SNTG1: variants seen among roughly 807,000 people sequenced by gnomAD.
SNTG1 encodes syntrophin gamma 1.
SNTG1 carries 39 observed loss-of-function variants against 74.7 expected under a neutral mutation model. The observed-to-expected ratio is 0.52, with a 90% CI of 0.40 to 0.68. The LOEUF is 0.68. Among genes scored for constraint, SNTG1 ranks in the 30% least tolerant of loss-of-function variants. The pLI is 0.00. For missense variants in SNTG1, 685 were observed against 609.5 expected, an observed-to-expected ratio of 1.12 and a Z score of -1.30; for synonymous variants, 254 against 217.1, an observed-to-expected ratio of 1.17 and a Z score of -1.49.
chr8:50,451,685 G>A (rs1038333827), intron 8 of SNTG1, among the ~76,000 whole-genome samples: 11 of 152,034 alleles, frequency 7.2e-5, no homozygotes, highest in East Asian at 1.9e-4. Context: ...TTTAGCAACC[G>A]GCCTAAGTGT....
intron 17 of SNTG1, among the ~76,000 whole-genome samples, chr8:50,735,685 T>C (rs1397963717): frequency 6.6e-6 from 1 of 152,016 alleles, no homozygotes; most frequent in Non-Finnish European, 1.5e-5. Context: ...TGGAATCAAG[T>C]TGGAAACACT....
intron 2 of SNTG1, among the ~76,000 whole-genome samples, chr8:50,202,092 C>A (rs2084008970): frequency 6.6e-6 from 1 of 152,104 alleles, no homozygotes; most frequent in Admixed American, 6.6e-5. Flanking sequence ...TAGGTCAGCA[C>A]CTTTTCTTCC....
At chr8:50,292,886 C>A (rs2089186025) in intron 2 of SNTG1, among the ~76,000 whole-genome samples, 1 of 151,548 alleles carries the variant, frequency 6.6e-6, no homozygotes, top group Non-Finnish European at 1.5e-5. Context: ...GAGCAAGGGG[C>A]ACCTGAGGAA....
intron 15 of SNTG1, among the ~76,000 whole-genome samples, chr8:50,683,398 A>T (rs1290143879): frequency 6.6e-6 from 1 of 152,198 alleles, no homozygotes; most frequent in Non-Finnish European, 1.5e-5. Flanking sequence ...GTCCTGAGTC[A>T]TTCTTTAGAA....
At chr8:50,397,247 A>G (rs1385392722) in intron 3 of SNTG1, among the ~76,000 whole-genome samples, 1 of 152,244 alleles carries the variant, frequency 6.6e-6, no homozygotes, top group East Asian at 1.9e-4. Context: ...TGCAAAGTCA[A>G]CGAAGTTTGG....
intron 1 of SNTG1, among the ~76,000 whole-genome samples, chr8:50,113,714 G>T (rs1296793221): frequency 6.6e-6 from 1 of 152,074 alleles, no homozygotes; most frequent in Non-Finnish European, 1.5e-5. Flanking sequence ...GCAATTGGCT[G>T]TGGGTTTGTC....
At chr8:50,374,833 T>C (rs926427229) in intron 2 of SNTG1, among the ~76,000 whole-genome samples, 1 of 152,222 alleles carries the variant, frequency 6.6e-6, no homozygotes. Flanking sequence ...TTGATCCTTT[T>C]TTTTAGATCA....
At chr8:50,576,145 G>A (rs1585733965) in intron 12 of SNTG1, among the ~76,000 whole-genome samples, 1 of 152,094 alleles carries the variant, frequency 6.6e-6, no homozygotes, top group Non-Finnish European at 1.5e-5. Flanking sequence ...AGGTCTTTGG[G>A]TTAATTTTTG....
chr8:50,358,086 T>C (rs1416985995), intron 2 of SNTG1, among the ~76,000 whole-genome samples: 1 of 152,174 alleles, frequency 6.6e-6, no homozygotes, highest in African/African-American at 2.4e-5. Flanking sequence ...AAATATTGAT[T>C]GTGTCCCACC....
At chr8:50,266,684 G>GTGTGTA (rs371676511) in intron 2 of SNTG1, among the ~76,000 whole-genome samples, 86 of 136,802 alleles carry the variant, frequency 6.3e-4, no homozygotes, top group East Asian at 5.9e-3. Context: ...GTGTGTGTGT[G>GTGTGTA]TATATATATA....
At chr8:50,234,608 A>G (rs2085797439) in intron 2 of SNTG1, among the ~76,000 whole-genome samples, 1 of 152,074 alleles carries the variant, frequency 6.6e-6, no homozygotes, top group African/African-American at 2.4e-5. Context: ...GGGTACAAGC[A>G]GCCTCTCTAG....
intron 15 of SNTG1, among the ~76,000 whole-genome samples, chr8:50,674,614 C>A (rs1018405455): frequency 5.3e-5 from 8 of 151,644 alleles, no homozygotes; most frequent in African/African-American, 1.7e-4. Flanking sequence ...TTTCAAAAAA[C>A]CAGCACCTGG....
intron 18 of SNTG1, among the ~76,000 whole-genome samples, chr8:50,788,185 A>G (rs1369425660): frequency 6.6e-6 from 1 of 152,126 alleles, no homozygotes; most frequent in Admixed American, 6.6e-5. Context: ...GCCATTAAGA[A>G]TATTAGAGTT....
intron 9 of SNTG1, among the ~76,000 whole-genome samples, chr8:50,504,318 G>A (rs1415126805): frequency 9.9e-5 from 15 of 152,026 alleles, no homozygotes; most frequent in South Asian, 4.1e-4. Context: ...ACATGCATGC[G>A]TCTTTATAAT....
chr8:50,513,404 C>T (rs1490712799), intron 9 of SNTG1, among the ~76,000 whole-genome samples: 2 of 152,216 alleles, frequency 1.3e-5, no homozygotes, highest in East Asian at 3.9e-4. Flanking sequence ...TCTCAGATCT[C>T]CAGCTGTGTG....
chr8:50,765,894 A>G (rs2095612380), intron 18 of SNTG1, among the ~76,000 whole-genome samples: 1 of 152,044 alleles, frequency 6.6e-6, no homozygotes, highest in African/African-American at 2.4e-5. Context: ...CCTTATTTTT[A>G]CACATATATG....
intron 13 of SNTG1, among the ~76,000 whole-genome samples, chr8:50,631,533 A>C (rs1488112762): frequency 6.6e-6 from 1 of 152,190 alleles, no homozygotes; most frequent in African/African-American, 2.4e-5. Flanking sequence ...TCTGAATCGC[A>C]AAACCAAAGG....
At chr8:50,155,451 A>G (rs762036775) in intron 1 of SNTG1, among the ~76,000 whole-genome samples, 12 of 152,176 alleles carry the variant, frequency 7.9e-5, no homozygotes, top group Non-Finnish European at 1.8e-4. Flanking sequence ...TAAAACCACA[A>G]CAGTTATAGA....
At chr8:49,984,275 G>C (rs1041689169) in intron 1 of SNTG1, among the ~76,000 whole-genome samples, 1 of 151,574 alleles carries the variant, frequency 6.6e-6, no homozygotes, top group Admixed American at 6.6e-5. Flanking sequence ...ACATGATCTC[G>C]GCTCACTGCA....
Sources: gnomAD v4.1 joint callset for allele counts (sites outside exome capture counted in the v4.1 genomes callset) on GRCh38, gnomAD v4.1.1 for gene constraint, MANE v1.5 for transcripts, NCBI Gene and HGNC (gene_info 2026-07-23, HGNC 2026-07-21) for gene names.